Variants in PDZD2 observed in about 807,000 individuals in gnomAD.
PDZD2 encodes PDZ domain-containing protein 2.
A neutral mutation model predicts 220.7 loss-of-function variants in PDZD2; 90 were observed. That is an observed-to-expected ratio of 0.41 (90% CI 0.34 to 0.49). The LOEUF is 0.49. Ranked by LOEUF, PDZD2 falls within the 20% of genes least tolerant of loss-of-function variation. The probability of loss-of-function intolerance (pLI) is 0.28; values close to 1 mark genes in which losing one functional copy is unlikely to be tolerated. For missense variants in PDZD2, 3,174 were observed against 3,608.5 expected (o/e 0.88, Z 3.08); for synonymous variants, 1,375 against 1,450.5 (o/e 0.95, Z 1.18).
chr5:31,875,592 A>G (rs994227158), intron 2 of PDZD2, among the ~76,000 whole-genome samples: 8 of 145,322 alleles, frequency 5.5e-5, no homozygotes, highest in African/African-American at 2.1e-4. Flanking sequence ...TTCAAAAAAA[A>G]AAAAAATATA....
rs1374867012 is a variant in PDZD2 at position 31,894,959 on chromosome 5, G to A, written c.477-88196G>A. Among the ~76,000 whole-genome samples, 6 of 152,116 alleles carry A rather than the reference G, an allele frequency of 3.9e-5. No homozygotes were observed. The East Asian group carries it at 7.7e-4, about 20-fold the overall frequency. On this transcript the variant is annotated intron_variant, in intron 2 of 24. Coordinates refer to ENST00000438447, the MANE Select transcript of PDZD2 (RefSeq NM_178140.4). ...GCTGGAGTTGCCATAGCATGATCTC[G>A]GCTCACCGCAACCTCCGCCTCCTGG...
chr5:31,892,661 G>A (rs933293484), intron 2 of PDZD2, among the ~76,000 whole-genome samples: 4 of 148,368 alleles, frequency 2.7e-5, no homozygotes, highest in Admixed American at 1.4e-4. Flanking sequence ...TCGACATCCC[G>A]GACTCAAGTG....
At chr5:31,753,720 G>C (rs1372556655) in intron 1 of PDZD2, among the ~76,000 whole-genome samples, 1 of 152,170 alleles carries the variant, frequency 6.6e-6, no homozygotes, top group Non-Finnish European at 1.5e-5. Flanking sequence ...CTTTTTGCGT[G>C]GACATCCTGA....
chr5:32,010,195 C>T, intron 5 of PDZD2, 135 bp from the exon 6 acceptor site: 1 of 621,590 alleles, frequency 1.6e-6, no homozygotes, highest in Non-Finnish European at 2.8e-6. Flanking sequence ...TTGAGGTAAC[C>T]TTGCAGACAC....
chr5:31,843,562 C>T (rs909423432), intron 2 of PDZD2: 1 of 152,052 alleles, frequency 6.6e-6, no homozygotes, highest in Non-Finnish European at 1.5e-5. Context: ...CCACCACGTC[C>T]AGTCATTAAC....
intron 6 of PDZD2, among the ~76,000 whole-genome samples, chr5:32,028,962 C>T (rs937224698): frequency 3.3e-5 from 5 of 152,102 alleles, no homozygotes; most frequent in African/African-American, 4.8e-5. Flanking sequence ...GGATTGCAGG[C>T]GTGAGTCACC....
chr5:31,805,139 G>A (rs1405177405), intron 2 of PDZD2, among the ~76,000 whole-genome samples: 1 of 152,204 alleles, frequency 6.6e-6, no homozygotes, highest in Non-Finnish European at 1.5e-5. Flanking sequence ...ATGTTGCAGT[G>A]AGCCTAGATT....
At chr5:31,702,530 C>T (rs188283071) in intron 1 of PDZD2, among the ~76,000 whole-genome samples, 24 of 152,350 alleles carry the variant, frequency 1.6e-4, no homozygotes, top group African/African-American at 5.1e-4. Context: ...TCAGGTTCCA[C>T]TTTGCCCACT....
In PDZD2 at chr5:32,037,245, T is replaced by C. The variant is rs1225127085; in HGVS notation, c.1422T>C (p.Asp474=). The stretch of plus-strand genomic sequence containing the variant: ...CTGCATTTCAGATGCCTGGGACAGA[T>C]GAACCCCAAGATGTGTGCGGTGCTG... The part of the protein sequence containing the change: ...SSVQRAMPGT[D]EPQDVCGAEE... The change falls in exon 7 of 25, where the codon GAT becomes GAC. Residue 474 remains aspartate (D), a synonymous_variant. Transcript: ENST00000438447. The C allele has an allele frequency of 6.2e-7, 1 of 1,612,568 alleles. No homozygotes were observed. The highest frequency in any genetic ancestry group is 8.5e-7 in the Non-Finnish European group (1 of 1,178,540).
At chr5:31,943,352 A>C (rs1746372201) in intron 2 of PDZD2, among the ~76,000 whole-genome samples, 1 of 152,212 alleles carries the variant, frequency 6.6e-6, no homozygotes, top group Non-Finnish European at 1.5e-5. Context: ...TCCAGGAGAC[A>C]GAAGCCTGCC....
chr5:31,694,343 G>A (rs943552113), intron 1 of PDZD2, among the ~76,000 whole-genome samples: 33 of 152,118 alleles, frequency 2.2e-4, no homozygotes, highest in Non-Finnish European at 1.0e-4. Flanking sequence ...AGTGAGCCAA[G>A]ATTGCGTCAC....
chr5:31,929,461 A>T (rs1235567916), intron 2 of PDZD2, among the ~76,000 whole-genome samples: 1 of 152,230 alleles, frequency 6.6e-6, no homozygotes, highest in Non-Finnish European at 1.5e-5. Context: ...GTGACAGTTT[A>T]AAATATCTGC....
chr5:31,715,413 C>T (rs1228308625), intron 1 of PDZD2, among the ~76,000 whole-genome samples: 2 of 152,178 alleles, frequency 1.3e-5, no homozygotes, highest in African/African-American at 4.8e-5. Flanking sequence ...AGCATCCCCA[C>T]TGAGTTTCCT....
intron 6 of PDZD2, among the ~76,000 whole-genome samples, chr5:32,036,126 A>AT (rs1182917417): frequency 6.6e-6 from 1 of 151,982 alleles, no homozygotes; most frequent in African/African-American, 2.4e-5. Flanking sequence ...CACCCGGCTA[A>AT]TTTTTTGTAT....
At chr5:32,059,216 T>A in intron 12 of PDZD2, 23 bp from the exon 13 acceptor site, 1 of 1,357,354 alleles carries the variant, frequency 7.4e-7, no homozygotes, top group Non-Finnish European at 1.0e-6. Context: ...GTTTTTATTT[T>A]CTTTGAATGG....
In PDZD2 at chr5:31,647,485, T is replaced by C. The variant is rs1745178442; in HGVS notation, c.-361+8048T>C. ...AGGGCCGTGCTCCTTCTGGAAGCTC[T>C]AGGGGAGAATCCTTCCCTGCCTCTT... On this transcript the variant is annotated intron_variant, in intron 1 of 24. Coordinates refer to ENST00000438447, the MANE Select transcript of PDZD2 (RefSeq NM_178140.4). Among the ~76,000 whole-genome samples, 3 of 152,194 alleles carry C rather than the reference T, an allele frequency of 2.0e-5. No homozygotes were observed. In the South Asian group the frequency reaches 6.2e-4, roughly 31 times the overall value.
Position 31,994,474 on chromosome 5 carries a change from T to C in PDZD2, c.979-1102T>C, listed in dbSNP as rs149502148. ...TCTCATTTATATGTTTTAAGGAAGT[T>C]TGAGATTCAATTCAATATGGTGTTT... is the stretch of plus-strand genomic sequence containing the variant. On this transcript the variant is annotated intron_variant, in intron 3 of 24. Coordinates refer to ENST00000438447, the MANE Select transcript of PDZD2 (RefSeq NM_178140.4). 1.3e-3 allele frequency among the ~76,000 whole-genome samples: 199 copies of C among 152,230 alleles called. 1 individual carries two copies. The highest frequency in any genetic ancestry group is 4.3e-3 in the African/African-American group (180 of 41,540).
chr5:31,910,098 T>C (rs1362719678), intron 2 of PDZD2, among the ~76,000 whole-genome samples: 1 of 152,180 alleles, frequency 6.6e-6, no homozygotes, highest in Non-Finnish European at 1.5e-5. Flanking sequence ...TTATCTCACT[T>C]TATTCAGGGA....
intron 7 of PDZD2, among the ~76,000 whole-genome samples, chr5:32,040,626 C>G (rs1467624499): frequency 1.3e-5 from 2 of 150,672 alleles, no homozygotes; most frequent in Non-Finnish European, 3.0e-5. Flanking sequence ...TGCCCGGCCG[C>G]CCCGTCTGGG....
Sources: allele counts gnomAD v4.1 joint callset (sites outside exome capture counted in the v4.1 genomes callset), GRCh38; gene constraint gnomAD v4.1.1; transcripts MANE v1.5; gene names NCBI Gene and HGNC (gene_info 2026-07-23, HGNC 2026-07-21).